PDE4D: variants seen among roughly 807,000 people sequenced by gnomAD.
The protein encoded by PDE4D is phosphodiesterase 4D, also known as 3',5'-cyclic-AMP phosphodiesterase 4D.
Under a neutral mutation model 87.4 loss-of-function variants are expected in PDE4D, and 24 were observed. That is an observed-to-expected ratio of 0.27 (90% CI 0.20 to 0.39). The LOEUF is 0.39. PDE4D is among the 10% of genes least tolerant of loss of function. PDE4D has a pLI of 1.00. For synonymous variants in PDE4D, 384 were observed against 383.2 expected (o/e 1.00, Z -0.02); for missense variants, 714 against 1,041.0 (o/e 0.69, Z 4.32).
At chr5:60,118,849 G>A (rs911976950) in intron 2 of PDE4D, among the ~76,000 whole-genome samples, 5 of 151,934 alleles carry the variant, frequency 3.3e-5, no homozygotes, top group South Asian at 2.1e-4. Context: ...CTCTGAAGAC[G>A]GAGTCCTGGT....
At chr5:60,143,491 G>C (rs771692193) in intron 2 of PDE4D, among the ~76,000 whole-genome samples, 15 of 152,158 alleles carry the variant, frequency 9.9e-5, no homozygotes, top group African/African-American at 1.4e-4. Context: ...ATTTGGAACA[G>C]TGGCTGTCAA....
chr5:59,473,961 T>G (rs577625113), intron 1 of PDE4D, among the ~76,000 whole-genome samples: 1 of 152,162 alleles, frequency 6.6e-6, no homozygotes, highest in Non-Finnish European at 1.5e-5. Context: ...ATATAAAGCT[T>G]AGCTTAGAAT....
chr5:60,231,813 C>A (rs1745841414), intron 1 of PDE4D, among the ~76,000 whole-genome samples: 1 of 151,862 alleles, frequency 6.6e-6, no homozygotes, highest in South Asian at 2.1e-4. Context: ...GTCCTTGACA[C>A]TATTAGGGCT....
At chr5:59,807,504 A>C (rs996936760) in intron 1 of PDE4D, among the ~76,000 whole-genome samples, 35 of 152,156 alleles carry the variant, frequency 2.3e-4, no homozygotes, top group South Asian at 6.2e-4. Context: ...GCTTGTCCCC[A>C]CACACACACA....
chr5:60,011,302 C>T (rs758160200), intron 2 of PDE4D, among the ~76,000 whole-genome samples: 34 of 152,002 alleles, frequency 2.2e-4, no homozygotes, highest in Non-Finnish European at 4.3e-4. Flanking sequence ...TGCATAGATT[C>T]CTCATTTGAA....
chr5:60,517,104 G>T (rs1168200214), intron 1 of PDE4D, among the ~76,000 whole-genome samples: 1 of 152,262 alleles, frequency 6.6e-6, no homozygotes, highest in Non-Finnish European at 1.5e-5. Flanking sequence ...TCAGAGCAAA[G>T]TTAAGTGCAA....
chr5:59,444,557 A>C (rs1405026487), intron 1 of PDE4D, among the ~76,000 whole-genome samples: 2 of 152,298 alleles, frequency 1.3e-5, no homozygotes, highest in South Asian at 2.1e-4. Context: ...TCACGCCTGT[A>C]ATCTCAGCAC....
intron 1 of PDE4D, among the ~76,000 whole-genome samples, chr5:60,225,847 A>G (rs1745033865): frequency 6.6e-6 from 1 of 152,174 alleles, no homozygotes; most frequent in African/African-American, 2.4e-5. Flanking sequence ...AAACTGAGGC[A>G]CAGAATGATT....
intron 1 of PDE4D, among the ~76,000 whole-genome samples, chr5:59,739,302 C>T (rs1016060890): frequency 1.3e-5 from 2 of 152,034 alleles, no homozygotes; most frequent in African/African-American, 2.4e-5. Context: ...CACCTGTAGT[C>T]CCAGCTATTC....
At position 59,002,750 on chromosome 5, in the gene PDE4D, C is replaced by G. The variant is rs554283007; in HGVS notation, c.922-9285G>C. ...TATGAGGAATGCCAAGCAAGAATGTCTAGCCAAGACCAGTTAACCCACAAA... is the reference window on the plus strand; with the variant it reads ...TATGAGGAATGCCAAGCAAGAATGTGTAGCCAAGACCAGTTAACCCACAAA... On this transcript the variant is annotated intron_variant, in intron 6 of 14. Coordinates refer to ENST00000340635, the MANE Select transcript of PDE4D (RefSeq NM_001104631.2). Among the ~76,000 whole-genome samples, 5 of 152,286 alleles carry G rather than the reference C, an allele frequency of 3.3e-5. No individual in the cohort carries two copies. The East Asian group carries it at 9.7e-4, about 29-fold the overall frequency.
chr5:59,516,290 A>AT (rs1811139683), intron 1 of PDE4D, among the ~76,000 whole-genome samples: 2 of 152,170 alleles, frequency 1.3e-5, no homozygotes, highest in Non-Finnish European at 2.9e-5. Context: ...CTCCCCAGGC[A>AT]GTCACTTTCT....
intron 1 of PDE4D, among the ~76,000 whole-genome samples, chr5:60,408,975 G>A (rs1461812540): frequency 1.3e-5 from 2 of 152,130 alleles, no homozygotes; most frequent in Admixed American, 1.3e-4. Context: ...ACTATGTATT[G>A]AGCTCTTTTT....
At chr5:60,025,845 A>G (rs1358124138) in intron 2 of PDE4D, among the ~76,000 whole-genome samples, 2 of 152,160 alleles carry the variant, frequency 1.3e-5, no homozygotes, top group South Asian at 2.1e-4. Context: ...TTGCACCACT[A>G]CACTCCAGCC....
At chr5:59,529,136 C>T in intron 1 of PDE4D, 1 of 483,656 alleles carries the variant, frequency 2.1e-6, no homozygotes, top group South Asian at 1.6e-5. Flanking sequence ...CTCTTGGGAG[C>T]TCTGTGTGGA....
intron 1 of PDE4D, among the ~76,000 whole-genome samples, chr5:59,258,376 A>G (rs1405661542): frequency 6.6e-6 from 1 of 151,924 alleles, no homozygotes; most frequent in Non-Finnish European, 1.5e-5. Flanking sequence ...AATTTTATTT[A>G]GTGAATTTGT....
chr5:60,010,062 A>G (rs546251204), intron 2 of PDE4D, among the ~76,000 whole-genome samples: 9 of 152,202 alleles, frequency 5.9e-5, no homozygotes, highest in African/African-American at 1.9e-4. Context: ...TGAAAGTAAC[A>G]TTTGCAAAAA....
chr5:60,132,481 A>T (rs1779670572), intron 2 of PDE4D, among the ~76,000 whole-genome samples: 1 of 152,164 alleles, frequency 6.6e-6, no homozygotes, highest in African/African-American at 2.4e-5. Flanking sequence ...TTTAACTATA[A>T]TTATATTTCA....
chr5:60,469,461 G>C (rs774380759), intron 1 of PDE4D, among the ~76,000 whole-genome samples: 2 of 152,128 alleles, frequency 1.3e-5, no homozygotes, highest in Non-Finnish European at 2.9e-5. Flanking sequence ...TCTCCATGTA[G>C]AGGGCTTTCA....
At chr5:60,033,492 AT>A (rs1417125670) in intron 2 of PDE4D, among the ~76,000 whole-genome samples, 2 of 152,182 alleles carry the variant, frequency 1.3e-5, no homozygotes, top group African/African-American at 4.8e-5. Context: ...TATTTTATCC[AT>A]TTTTTGCCAC....
Sources: gnomAD v4.1 joint callset for allele counts (sites outside exome capture counted in the v4.1 genomes callset) on GRCh38, gnomAD v4.1.1 for gene constraint, MANE v1.5 for transcripts, NCBI Gene and HGNC (gene_info 2026-07-23, HGNC 2026-07-21) for gene names.